Variants in OPCML observed in about 807,000 individuals in gnomAD.
OPCML encodes opioid-binding protein/cell adhesion molecule.
A neutral mutation model predicts 37.8 loss-of-function variants in OPCML; 13 were observed. The ratio of observed to expected loss-of-function variants is 0.34; its 90% CI spans 0.22 to 0.55. The LOEUF (loss-of-function observed/expected upper bound fraction) is 0.55. Among genes scored for constraint, OPCML ranks in the 20% least tolerant of loss-of-function variants. OPCML has a pLI of 0.91. For synonymous variants in OPCML, 176 were observed against 168.8 expected (o/e 1.04, Z -0.33); for missense variants, 341 against 435.6 (o/e 0.78, Z 1.93).
At position 133,034,033 on chromosome 11, in the gene OPCML, C is replaced by T. The variant is rs189296411; in HGVS notation, c.62-91023G>A. Among the ~76,000 whole-genome samples the T allele has an allele frequency of 9.9e-5, 15 of 152,174 alleles. No individual in the cohort carries two copies. The East Asian group carries it at 1.2e-3, about 12-fold the overall frequency. The stretch of plus-strand genomic sequence containing the variant: ...CTTGATGCAAAAAATGACTTAGTTG[C>T]GATGGAAACAAGTATAGCAATTAAT... On this transcript the variant is annotated intron_variant, in intron 1 of 7. Transcript: ENST00000524381.
intron 2 of OPCML, among the ~76,000 whole-genome samples, chr11:132,775,770 C>A (rs1946787504): frequency 6.6e-6 from 1 of 152,166 alleles, no homozygotes; most frequent in African/African-American, 2.4e-5. Flanking sequence ...AGAATGCCAG[C>A]CCAAGGTTCC....
intron 6 of OPCML, 84 bp downstream of exon 6, chr11:132,436,574 CT>C: frequency 1.9e-6 from 3 of 1,567,190 alleles, no homozygotes; most frequent in Middle Eastern, 1.7e-4. Context: ...TATCTTTCCC[CT>C]TTTCTTCATC....
rs1945481643 is a variant in OPCML at position 132,938,885 on chromosome 11, G to T, written c.146+4041C>A. Among the ~76,000 whole-genome samples, 3 of 152,266 alleles carry T rather than the reference G, an allele frequency of 2.0e-5. No individual in the cohort carries two copies. In the South Asian group the frequency reaches 6.2e-4, roughly 32 times the overall value. On this transcript the variant is annotated intron_variant, in intron 2 of 7. Coordinates refer to ENST00000524381, the MANE Select transcript of OPCML (RefSeq NM_001012393.5). ...GCTCCACATTAGAAATACTGGAAAAGATGTTTTCAATGGCCACGTCCATCC... is the reference window on the plus strand; with the variant it reads ...GCTCCACATTAGAAATACTGGAAAATATGTTTTCAATGGCCACGTCCATCC...
Position 133,489,854 on chromosome 11 carries a change from T to TA in OPCML, c.61+42409_61+42410insT, listed in dbSNP as rs1565663452. Among the ~76,000 whole-genome samples, 812 of 100,806 alleles carry TA rather than the reference T, an allele frequency of 8.1e-3. 7 individuals carry two copies. Among genetic ancestry groups the TA allele is most frequent in the African/African-American group, 0.029 (751 of 25,784 alleles). 66.1% of individuals were successfully genotyped at this position (100,806 alleles called of 152,430 possible). A position where few individuals can be genotyped will look rare whatever the true frequency, so the allele number is the denominator to read the frequency against. On this transcript the variant is annotated intron_variant, in intron 1 of 7. Transcript: ENST00000524381. Reference sequence around the variant, plus strand: ...TATATACATATATATATATATATATTTTTTTATACATGCACACACATATAC... The same window carrying TA: ...TATATACATATATATATATATATATTATTTTTATACATGCACACACATATAC...
chr11:132,750,041 C>A (rs931263477), intron 2 of OPCML, among the ~76,000 whole-genome samples: 2 of 151,940 alleles, frequency 1.3e-5, no homozygotes, highest in African/African-American at 4.8e-5. Flanking sequence ...TGCCACCATG[C>A]CTGGTTAATT....
intron 1 of OPCML, among the ~76,000 whole-genome samples, chr11:133,341,925 A>G (rs1943879052): frequency 6.6e-6 from 1 of 152,020 alleles, no homozygotes; most frequent in Admixed American, 6.6e-5. Flanking sequence ...TTTGGGGAAA[A>G]AAAAAAGCCT....
At chr11:133,138,920 G>A (rs1466115390) in intron 1 of OPCML, among the ~76,000 whole-genome samples, 1 of 152,008 alleles carries the variant, frequency 6.6e-6, no homozygotes, top group East Asian at 1.9e-4. Context: ...CTAGAAAGAG[G>A]GTCTTTCATT....
intron 1 of OPCML, among the ~76,000 whole-genome samples, chr11:133,216,825 G>C (rs1013136004): frequency 2.0e-5 from 3 of 151,630 alleles, no homozygotes; most frequent in African/African-American, 7.3e-5. Flanking sequence ...TTTTTATTGG[G>C]GCATATGTAT....
chr11:132,657,533 T>C (rs1941768085), intron 2 of OPCML: 1 of 598,484 alleles, frequency 1.7e-6, no homozygotes, highest in Non-Finnish European at 2.1e-6. Context: ...AAATCATTTC[T>C]ATTTGACTTC....
chr11:133,362,219 G>T (rs1331653404), intron 1 of OPCML: 1 of 152,456 alleles, frequency 6.6e-6, no homozygotes, highest in Non-Finnish European at 1.5e-5. Flanking sequence ...GGGTTAGAAG[G>T]GGTGCGTGGT....
At chr11:132,677,915 A>T (rs982352822) in intron 2 of OPCML, among the ~76,000 whole-genome samples, 7 of 152,192 alleles carry the variant, frequency 4.6e-5, no homozygotes, top group Non-Finnish European at 1.0e-4. Flanking sequence ...ATTTCATTAA[A>T]ATTAAAAAAT....
rs34411187 is a variant in OPCML at position 133,174,639 on chromosome 11, GAAA to G, written c.62-231632_62-231630del. On this transcript the variant is annotated intron_variant, in intron 1 of 7. Coordinates refer to ENST00000524381, the MANE Select transcript of OPCML (RefSeq NM_001012393.5). This position sits in a 1 kb window ranked among gnomAD's most constrained non-coding sequence, Gnocchi z 4.6. ...AAATGCTCATGGAATGCTGTTTAGT[GAAA>G]AAAAAAAAAAAAAAAAGCAGGGGGA... Among the ~76,000 whole-genome samples, 24 of 116,784 alleles carry G rather than the reference GAAA, an allele frequency of 2.1e-4. No homozygotes were observed. Among genetic ancestry groups the G allele is most frequent in the Non-Finnish European group, 2.7e-4 (14 of 52,466 alleles). The allele number at this position is 116,784 out of a possible 152,430, so 76.6% of individuals were successfully genotyped here.
chr11:133,435,357 G>T (rs1946212237), intron 1 of OPCML, among the ~76,000 whole-genome samples: 1 of 152,024 alleles, frequency 6.6e-6, no homozygotes, highest in African/African-American at 2.4e-5. Context: ...TCCCATAGTA[G>T]GCCCACATTT....
intron 1 of OPCML, among the ~76,000 whole-genome samples, chr11:133,239,116 G>T (rs1425437535): frequency 6.6e-6 from 1 of 152,188 alleles, no homozygotes; most frequent in African/African-American, 2.4e-5. Flanking sequence ...CAGGGGAAGG[G>T]TGTCTGTAAG....
rs187358031 is a variant in OPCML, at chr11:132,656,068, C to T, written c.379+1019G>A. On this transcript the variant is annotated intron_variant, in intron 3 of 7. Coordinates refer to ENST00000524381, the MANE Select transcript of OPCML (RefSeq NM_001012393.5). ...TGTGTTTCCTCAAGATATCTGCAAA[C>T]GAGGCTCTGAAAGAAGTCCACCCGA... Among the ~76,000 whole-genome samples, 326 of 152,114 alleles carry T rather than the reference C, an allele frequency of 2.1e-3. 2 individuals are homozygous for T. Among genetic ancestry groups the T allele is most frequent in the Middle Eastern group, 3.4e-3 (1 of 294 alleles).
At position 133,287,041 on chromosome 11, in the gene OPCML, G is replaced by A. The variant is rs146935295; in HGVS notation, c.61+245223C>T. On this transcript the variant is annotated intron_variant, in intron 1 of 7. Coordinates refer to ENST00000524381, the MANE Select transcript of OPCML (RefSeq NM_001012393.5). ...ACAGAAGGAGAAGTTGAGATACAAA[G>A]AGAAACACTAGTGAGAGCAATTCCT... 4.1e-3 allele frequency among the ~76,000 whole-genome samples: 618 copies of A among 152,222 alleles called. 1 individual carries two copies. The highest frequency in any genetic ancestry group is 0.014 in the African/African-American group (588 of 41,528).
intron 1 of OPCML, among the ~76,000 whole-genome samples, chr11:133,487,900 C>T (rs1947564022): frequency 7.1e-6 from 1 of 141,168 alleles, no homozygotes; most frequent in South Asian, 2.1e-4. Flanking sequence ...CTGAATCCAA[C>T]AGCACATCAA....
chr11:133,354,928 A>G (rs1944249370), intron 1 of OPCML, among the ~76,000 whole-genome samples: 1 of 152,248 alleles, frequency 6.6e-6, no homozygotes. Context: ...ATAAACTTTT[A>G]GGCATCTGTA....
At chr11:132,673,328 CAG>C (rs1205484044) in intron 2 of OPCML, among the ~76,000 whole-genome samples, 1 of 151,948 alleles carries the variant, frequency 6.6e-6, no homozygotes, top group African/African-American at 2.4e-5. Context: ...GTGGTGCAAA[CAG>C]AGAAAAATAG....
Sources: allele counts gnomAD v4.1 joint callset (sites outside exome capture counted in the v4.1 genomes callset), GRCh38; gene constraint gnomAD v4.1.1; non-coding constraint Gnocchi (gnomAD v3.1); transcripts MANE v1.5; gene names NCBI Gene and HGNC (gene_info 2026-07-23, HGNC 2026-07-21).